PHF21A: variants seen among roughly 807,000 people sequenced by gnomAD.
PHF21A encodes the protein BHC80a.
PHF21A carries 11 observed loss-of-function variants against 82.5 expected under a neutral mutation model. The ratio of observed to expected loss-of-function variants is 0.13; its 90% CI spans 0.08 to 0.22. PHF21A has a LOEUF of 0.22. PHF21A is among the 10% of genes least tolerant of loss of function. PHF21A has a pLI of 1.00. For missense variants in PHF21A, 579 were observed against 837.8 expected (o/e 0.69, Z 3.81); for synonymous variants, 297 against 302.8 (o/e 0.98, Z 0.20).
chr11:46,076,066 C>T (rs1358962748), intron 6 of PHF21A, among the ~76,000 whole-genome samples: 2 of 152,164 alleles, frequency 1.3e-5, no homozygotes, highest in Non-Finnish European at 2.9e-5. Context: ...TGTGGGATTA[C>T]CATAAACATT....
intron 6 of PHF21A, among the ~76,000 whole-genome samples, chr11:46,061,982 T>C (rs2096540260): frequency 6.6e-6 from 1 of 152,168 alleles, no homozygotes; most frequent in Non-Finnish European, 1.5e-5. Context: ...AATCACTGCT[T>C]TTCAGAATTT....
intron 6 of PHF21A, among the ~76,000 whole-genome samples, chr11:46,046,028 C>A (rs1025504716): frequency 1.3e-5 from 2 of 152,214 alleles, no homozygotes; most frequent in Admixed American, 6.5e-5. Context: ...TCTGTCTTAT[C>A]TTCAGAAATG....
intron 6 of PHF21A, among the ~76,000 whole-genome samples, chr11:46,050,406 T>C (rs1384946082): frequency 6.6e-6 from 1 of 152,128 alleles, no homozygotes; most frequent in African/African-American, 2.4e-5. Context: ...ACTGTGAGCA[T>C]GTTGGGGAGA....
chr11:46,002,628 T>A (rs2095169667), intron 6 of PHF21A, among the ~76,000 whole-genome samples: 2 of 152,000 alleles, frequency 1.3e-5, no homozygotes. Context: ...ATATTACCAT[T>A]AGATAAAGGG....
intron 6 of PHF21A, among the ~76,000 whole-genome samples, chr11:46,026,306 A>T (rs1182939521): frequency 2.0e-5 from 3 of 152,184 alleles, no homozygotes; most frequent in Non-Finnish European, 4.4e-5. Flanking sequence ...CTTAGGGGGA[A>T]ACTGCCTGAG....
intron 1 of PHF21A, chr11:46,120,265 A>C (rs1184839490): frequency 6.6e-6 from 1 of 150,988 alleles, no homozygotes; most frequent in Non-Finnish European, 1.5e-5. Context: ...AATTAAATAA[A>C]TAATCATAAT....
intron 6 of PHF21A, among the ~76,000 whole-genome samples, chr11:46,054,405 A>G (rs1009018637): frequency 1.4e-4 from 22 of 152,210 alleles, no homozygotes; most frequent in Admixed American, 1.2e-3. Flanking sequence ...GGGTTATCCA[A>G]TTTAGTTTGG....
In PHF21A at chr11:46,067,379, C is replaced by A. The variant is rs76754758; in HGVS notation, c.153+9375G>T. Among the ~76,000 whole-genome samples the A allele has an allele frequency of 6.8e-3, 1,032 of 152,126 alleles. 10 individuals are homozygous for A. Among genetic ancestry groups the A allele is most frequent in the African/African-American group, 0.024 (984 of 41,468 alleles). ...ATGAAGGGTTTTCTGAGGTAAGTGACGTAGTAACATTGCAGAAGAGACTTG... is the reference window on the plus strand; with the variant it reads ...ATGAAGGGTTTTCTGAGGTAAGTGAAGTAGTAACATTGCAGAAGAGACTTG... On this transcript the variant is annotated intron_variant, in intron 6 of 18. Transcript: ENST00000676320.
At chr11:46,018,398 CAGTAT>C (rs1355134042) in intron 6 of PHF21A, among the ~76,000 whole-genome samples, 2 of 152,098 alleles carry the variant, frequency 1.3e-5, no homozygotes, top group Non-Finnish European at 2.9e-5. Context: ...GGAGAATGTA[CAGTAT>C]AGTATTAACA....
chr11:45,978,445 T>TA (rs2094140938), intron 7 of PHF21A, among the ~76,000 whole-genome samples: 1 of 152,226 alleles, frequency 6.6e-6, no homozygotes, highest in South Asian at 2.1e-4. Context: ...TATTAAATGT[T>TA]AACTTATCTT....
At position 45,930,504 on chromosome 11, in the gene PHF21A, C is replaced by T. The variant is rs1280309223; in HGVS notation, c.*3464G>A. The T allele has an allele frequency of 6.6e-6, 1 of 152,572 alleles. No homozygotes were observed. The allele number at this position is 152,572 out of a possible 1,614,324, so 9.5% of individuals were successfully genotyped here. A position where few individuals can be genotyped will look rare whatever the true frequency, so the allele number is the denominator to read the frequency against. ...CTGATAAGGAAGGAAGAAATCAAAA[C>T]CCCAGAGGAGCTCAGCACAGGTGAG... On this transcript the variant is annotated 3_prime_UTR_variant, in exon 19 of 19. Coordinates refer to ENST00000676320, the MANE Select transcript of PHF21A (RefSeq NM_001352027.3).
chr11:46,057,079 G>C (rs2096467961), intron 6 of PHF21A, among the ~76,000 whole-genome samples: 1 of 151,906 alleles, frequency 6.6e-6, no homozygotes, highest in South Asian at 2.1e-4. Flanking sequence ...AATCTGTTTT[G>C]GTTTATATAA....
At chr11:46,034,588 T>C (rs1565650569) in intron 6 of PHF21A, among the ~76,000 whole-genome samples, 1 of 152,210 alleles carries the variant, frequency 6.6e-6, no homozygotes. Flanking sequence ...TAGTATGATG[T>C]AAAACAGAGA....
At chr11:46,095,129 A>G (rs2096977752) in intron 1 of PHF21A, among the ~76,000 whole-genome samples, 1 of 152,212 alleles carries the variant, frequency 6.6e-6, no homozygotes, top group Non-Finnish European at 1.5e-5. Flanking sequence ...TGCACATCAG[A>G]AATCCCAAAG....
At chr11:45,952,588 G>T (rs182085508) in intron 11 of PHF21A, among the ~76,000 whole-genome samples, 1 of 152,042 alleles carries the variant, frequency 6.6e-6, no homozygotes, top group Non-Finnish European at 1.5e-5. Flanking sequence ...CTTCTTTTTG[G>T]CTTAAGTTTT....
chr11:45,965,586 T>G lies in PHF21A; in HGVS notation c.725A>C (p.Gln242Pro), dbSNP rs1428924803. ...LPQVRPKPVA[Q>P]NNIPIAPAPP... ...TGCTGGGGCAATAGGAATGTTATTC[T>G]GGGCCACAGGCTTGGGTCGAACCTA... The change falls in exon 10 of 19, where the codon CAG becomes CCG. Residue 242 changes from glutamine to proline, a missense_variant. Gln to Pro is a moderately conservative substitution (Grantham distance 76). This residue lies in a region of PHF21A where 410 missense variants were observed against 642.1 expected (regional missense o/e 0.64). Transcript: ENST00000676320. 1.3e-6 allele frequency: 2 copies of G among 1,564,398 alleles called. No homozygotes were observed. Among genetic ancestry groups the G allele is most frequent in the Admixed American group, 1.8e-5 (1 of 55,472 alleles).
chr11:46,038,711 G>A (rs924528390), intron 6 of PHF21A, among the ~76,000 whole-genome samples: 3 of 152,148 alleles, frequency 2.0e-5, no homozygotes, highest in African/African-American at 7.2e-5. Context: ...ATCACATGGC[G>A]AGGTGGCTAA....
At chr11:45,958,449 T>TATATATATACACAC (rs780397923) in intron 10 of PHF21A, among the ~76,000 whole-genome samples, 430 of 14,900 alleles carry the variant, frequency 0.029, 16 homozygotes, top group Middle Eastern at 0.045. Context: ...TATATATATA[T>TATATATATACACAC]ACACACACAC....
At chr11:46,049,725 A>T (rs2096318947) in intron 6 of PHF21A, among the ~76,000 whole-genome samples, 2 of 152,224 alleles carry the variant, frequency 1.3e-5, no homozygotes, top group African/African-American at 2.4e-5. Flanking sequence ...CACGTTCCAT[A>T]TTGTAAACTA....
Sources: gnomAD v4.1 joint callset for allele counts (sites outside exome capture counted in the v4.1 genomes callset) on GRCh38, gnomAD v4.1.1 for gene constraint, gnomAD v4.1.1 regional missense constraint, MANE v1.5 for transcripts, NCBI Gene and HGNC (gene_info 2026-07-23, HGNC 2026-07-21) for gene names.